The following SNX16 variants were observed in gnomAD, a reference collection of about 807,000 sequenced individuals.
SNX16 encodes the protein sorting nexin-16.
Under a neutral mutation model 36.7 loss-of-function variants are expected in SNX16, and 35 were observed. The observed-to-expected ratio is 0.95, with a 90% CI of 0.73 to 1.27. SNX16 has a LOEUF of 1.27. SNX16 is among the 50% of genes most tolerant of loss of function. SNX16 has a pLI of 0.00. For missense variants in SNX16, 367 were observed against 393.6 expected (o/e 0.93, Z 0.57); for synonymous variants, 134 against 132.0 (o/e 1.02, Z -0.10).
intron 2 of SNX16, among the ~76,000 whole-genome samples, chr8:81,830,579 T>TAAAA (rs752827905): frequency 8.9e-5 from 8 of 90,220 alleles, no homozygotes; most frequent in African/African-American, 2.7e-4. Flanking sequence ...GTCTAGGGGG[T>TAAAA]AAAAAAAAAA....
chr8:81,808,435 T>C, intron 5 of SNX16: 2 of 1,120,432 alleles, frequency 1.8e-6, no homozygotes, highest in Non-Finnish European at 2.7e-6. Context: ...GGAGGAAACT[T>C]CAGGGGTCAT....
intron 2 of SNX16, among the ~76,000 whole-genome samples, chr8:81,831,668 A>G (rs192969692): frequency 1.7e-4 from 26 of 148,694 alleles, no homozygotes; most frequent in African/African-American, 6.4e-4. Flanking sequence ...ACTGCACTCT[A>G]GCGAGTGACA....
intron 2 of SNX16, among the ~76,000 whole-genome samples, chr8:81,832,341 C>T (rs1472492729): frequency 6.6e-6 from 1 of 152,090 alleles, no homozygotes; most frequent in East Asian, 1.9e-4. Flanking sequence ...AATGTTCTCA[C>T]TTATAAGTGG....
chr8:81,838,353 C>T (rs1811586431), intron 2 of SNX16, among the ~76,000 whole-genome samples: 1 of 151,890 alleles, frequency 6.6e-6, no homozygotes, highest in Non-Finnish European at 1.5e-5. Context: ...CCAAGGCCAT[C>T]CTGAAGAAAA....
In SNX16 at chr8:81,800,260, T is replaced by C. The variant is rs1809627025; in HGVS notation, c.*1237A>G. The C allele has an allele frequency of 6.6e-6, 1 of 151,830 alleles. No homozygotes were observed. The highest frequency in any genetic ancestry group is 2.4e-5 in the African/African-American group (1 of 41,424). The allele number at this position is 151,830 out of a possible 1,614,324, so 9.4% of individuals were successfully genotyped here. On this transcript the variant is annotated 3_prime_UTR_variant, in exon 8 of 8. Coordinates refer to ENST00000345957, the MANE Select transcript of SNX16 (RefSeq NM_152836.3). ...CTGGGATTGCAAAATGCCAGCATGA[T>C]TACAATGCTTATTAACAGCAATATG...
At chr8:81,814,755 T>C (rs1008045075) in intron 5 of SNX16, 1 of 152,056 alleles carries the variant, frequency 6.6e-6, no homozygotes, top group Non-Finnish European at 1.5e-5. Flanking sequence ...TTAAATCTGT[T>C]CCATTTAAAT....
At chr8:81,828,283 T>C (rs1427663464) in intron 3 of SNX16, among the ~76,000 whole-genome samples, 1 of 152,184 alleles carries the variant, frequency 6.6e-6, no homozygotes, top group African/African-American at 2.4e-5. Flanking sequence ...GGGTATCCCC[T>C]AGGAAGATTC....
In SNX16 at chr8:81,839,891, A is replaced by T; in HGVS notation, c.96T>A (p.Ser32Arg). The T allele has an allele frequency of 6.2e-7, 1 of 1,614,018 alleles. No homozygotes were observed. Among genetic ancestry groups the T allele is most frequent in the Non-Finnish European group, 8.5e-7 (1 of 1,179,940 alleles). The change falls in exon 2 of 8, where the codon AGT (serine) becomes AGA (arginine). Residue 32 changes from serine (S) to arginine (R), a missense_variant. Coordinates refer to ENST00000345957, the MANE Select transcript of SNX16 (RefSeq NM_152836.3). ...NRNQRSSSFG[S>R]VSTSSNSSKG... ...TAGAAGAATTTGAGCTTGTTGAGAC[A>T]CTGCCAAAAGAAGAACTTCTTTGAT...
At chr8:81,802,901 T>A (rs13266724) in intron 6 of SNX16, among the ~76,000 whole-genome samples, 191 bp downstream of exon 6, 1 of 151,828 alleles carries the variant, frequency 6.6e-6, no homozygotes, top group Non-Finnish European at 1.5e-5. Flanking sequence ...ATGTTTCCCA[T>A]CCTTCAATGT....
At chr8:81,822,781 C>T (rs74839585) in intron 4 of SNX16, among the ~76,000 whole-genome samples, 10,833 of 151,552 alleles carry the variant, frequency 0.071, 470 homozygotes, top group Middle Eastern at 0.11. Context: ...CTGAAGATGT[C>T]GAGGAGACAA....
intron 3 of SNX16, among the ~76,000 whole-genome samples, chr8:81,825,539 A>T (rs532937026): frequency 6.6e-6 from 1 of 152,174 alleles, no homozygotes; most frequent in African/African-American, 2.4e-5. Context: ...AAGATTGAGA[A>T]CCATTTTACT....
intron 4 of SNX16, among the ~76,000 whole-genome samples, chr8:81,818,133 T>C (rs963725083): frequency 1.7e-4 from 26 of 152,122 alleles, no homozygotes; most frequent in African/African-American, 6.0e-4. Context: ...CATATTTGAC[T>C]TTATTGCAAA....
At chr8:81,829,805 T>G (rs1811171717) in intron 2 of SNX16, among the ~76,000 whole-genome samples, 1 of 152,114 alleles carries the variant, frequency 6.6e-6, no homozygotes, top group Non-Finnish European at 1.5e-5. Context: ...GTCAATATAT[T>G]CTAAAATTGA....
intron 2 of SNX16, among the ~76,000 whole-genome samples, chr8:81,832,103 A>G (rs1811296734): frequency 6.6e-6 from 1 of 152,254 alleles, no homozygotes; most frequent in Non-Finnish European, 1.5e-5. Flanking sequence ...CCAAAAAGAC[A>G]TATACACTTA....
chr8:81,814,510 T>A (rs540442766), intron 5 of SNX16: 31 of 152,130 alleles, frequency 2.0e-4, no homozygotes, highest in Non-Finnish European at 3.8e-4. Context: ...TTATAGGAAT[T>A]CTTTTTGAGG....
At chr8:81,827,987 A>T (rs113233500) in intron 3 of SNX16, among the ~76,000 whole-genome samples, 14 of 152,008 alleles carry the variant, frequency 9.2e-5, no homozygotes, top group Non-Finnish European at 1.9e-4. Context: ...AAAATATCAC[A>T]CCCTCTGCCT....
intron 4 of SNX16, among the ~76,000 whole-genome samples, chr8:81,819,778 T>C (rs374879434): frequency 6.4e-4 from 97 of 152,200 alleles, no homozygotes; most frequent in African/African-American, 2.1e-3. Flanking sequence ...ACTTTGAACT[T>C]TCTAAATAAA....
chr8:81,803,237 A>C lies in SNX16; in HGVS notation c.682-9T>G, dbSNP rs1809788498. 6.3e-7 allele frequency: 1 copy of C among 1,591,514 alleles called. No individual in the cohort carries two copies. The highest frequency in any genetic ancestry group is 8.5e-7 in the Non-Finnish European group (1 of 1,173,408). ...AAAGTTTCACAGAATGCCTTAAAAA[A>C]AACAACAAACAAAACTAAACACATG... On this transcript the variant is annotated splice_polypyrimidine_tract_variant and intron_variant, in intron 5 of 7. Transcript: ENST00000345957.
At chr8:81,834,280 T>C (rs1811397356) in intron 2 of SNX16, among the ~76,000 whole-genome samples, 1 of 152,124 alleles carries the variant, frequency 6.6e-6, no homozygotes, top group African/African-American at 2.4e-5. Flanking sequence ...CCTGCCCCCA[T>C]TGTTCAATTA....
Sources: gnomAD v4.1 joint callset for allele counts (sites outside exome capture counted in the v4.1 genomes callset) on GRCh38, gnomAD v4.1.1 for gene constraint, MANE v1.5 for transcripts, NCBI Gene and HGNC (gene_info 2026-07-23, HGNC 2026-07-21) for gene names.